The following EPHA6 variants were observed in gnomAD, a reference collection of about 807,000 sequenced individuals.
EPHA6 encodes the protein EPH receptor A6.
EPHA6 carries 50 observed loss-of-function variants against 112.0 expected under a neutral mutation model. That is an observed-to-expected ratio of 0.45 (90% CI 0.36 to 0.56). The LOEUF is 0.56. EPHA6 is among the 20% of genes least tolerant of loss of function. The probability of loss-of-function intolerance (pLI) is 0.00; values close to 1 mark genes in which losing one functional copy is unlikely to be tolerated. For missense variants in EPHA6, 1,280 were observed against 1,417.4 expected (o/e 0.90, Z 1.56); for synonymous variants, 529 against 490.7 (o/e 1.08, Z -1.03).
intron 5 of EPHA6, among the ~76,000 whole-genome samples, chr3:97,295,272 A>G (rs1050850958): frequency 2.0e-5 from 3 of 151,558 alleles, no homozygotes; most frequent in Non-Finnish European, 4.4e-5. Context: ...ATGCTTTTTT[A>G]TTCTTCCTTT....
chr3:97,707,095 T>C (rs1256963749), intron 14 of EPHA6, among the ~76,000 whole-genome samples: 1 of 152,120 alleles, frequency 6.6e-6, no homozygotes, highest in South Asian at 2.1e-4. Context: ...TTTTTCCTTA[T>C]CATTAATCAA....
At chr3:97,409,220 A>G (rs1329034187) in intron 6 of EPHA6, among the ~76,000 whole-genome samples, 2 of 152,092 alleles carry the variant, frequency 1.3e-5, no homozygotes, top group East Asian at 1.9e-4. Flanking sequence ...TCTGTTAAGG[A>G]CAAGAATGTA....
intron 3 of EPHA6, among the ~76,000 whole-genome samples, chr3:97,067,931 G>A (rs1220547677): frequency 6.6e-6 from 1 of 151,848 alleles, no homozygotes; most frequent in African/African-American, 2.4e-5. Context: ...GATCTCTTGA[G>A]GCCAGGAGTT....
intron 10 of EPHA6, among the ~76,000 whole-genome samples, chr3:97,524,454 C>T (rs925029187): frequency 5.9e-5 from 9 of 151,972 alleles, no homozygotes; most frequent in African/African-American, 1.9e-4. Flanking sequence ...TTGTTTATAG[C>T]TATAATTGTT....
At chr3:97,727,747 T>C (rs1402012931) in intron 15 of EPHA6, among the ~76,000 whole-genome samples, 1 of 152,090 alleles carries the variant, frequency 6.6e-6, no homozygotes, top group African/African-American at 2.4e-5. Context: ...TTCCTAACTT[T>C]TCAGTAATTC....
At chr3:97,081,530 T>C (rs1329557825) in intron 3 of EPHA6, among the ~76,000 whole-genome samples, 2 of 151,850 alleles carry the variant, frequency 1.3e-5, no homozygotes, top group Non-Finnish European at 2.9e-5. Context: ...TGTGTATTTT[T>C]TCTTTCCAGG....
At chr3:97,100,600 A>G (rs1482558890) in intron 3 of EPHA6, among the ~76,000 whole-genome samples, 2 of 149,424 alleles carry the variant, frequency 1.3e-5, no homozygotes, top group African/African-American at 5.0e-5. Flanking sequence ...TACACTGTTC[A>G]TTGTGTGAGC....
chr3:97,640,156 A>G (rs1200443817), intron 14 of EPHA6, among the ~76,000 whole-genome samples: 1 of 152,208 alleles, frequency 6.6e-6, no homozygotes, highest in East Asian at 1.9e-4. Context: ...AGTACCAAAA[A>G]GCAGAGGCTG....
At chr3:97,335,694 C>T (rs1247113299) in intron 5 of EPHA6, among the ~76,000 whole-genome samples, 10 of 152,118 alleles carry the variant, frequency 6.6e-5, no homozygotes, top group East Asian at 1.9e-4. Context: ...TTTCACCTTG[C>T]GCACTGCCTA....
intron 2 of EPHA6, among the ~76,000 whole-genome samples, chr3:96,871,832 A>G (rs2036638043): frequency 6.6e-6 from 1 of 152,046 alleles, no homozygotes. Context: ...TAGCTTCATA[A>G]CCAAGAATTG....
intron 13 of EPHA6, among the ~76,000 whole-genome samples, chr3:97,623,975 A>G (rs950223849): frequency 2.0e-5 from 3 of 151,532 alleles, no homozygotes; most frequent in African/African-American, 7.3e-5. Flanking sequence ...TTGGTTATCT[A>G]AGGTCCCTTG....
Position 97,749,489 on chromosome 3 carries a change from T to C in EPHA6, c.*788T>C, listed in dbSNP as rs925981756. ...CGTAGTATATTTCTCTACTACCTTA[T>C]GAAGACCGCTCCTGGAAAGACCAAG... On this transcript the variant is annotated 3_prime_UTR_variant, in exon 18 of 18. Transcript: ENST00000389672. Among the ~76,000 whole-genome samples the C allele has an allele frequency of 1.3e-5, 2 of 152,186 alleles. No homozygotes were observed. Among genetic ancestry groups the C allele is most frequent in the Admixed American group, 6.6e-5 (1 of 15,264 alleles).
At chr3:96,853,696 T>A (rs2035526369) in intron 1 of EPHA6, among the ~76,000 whole-genome samples, 1 of 152,010 alleles carries the variant, frequency 6.6e-6, no homozygotes, top group African/African-American at 2.4e-5. Flanking sequence ...TTTAAACTCC[T>A]GAATCATTAT....
intron 3 of EPHA6, among the ~76,000 whole-genome samples, chr3:97,001,172 A>G (rs1201412878): frequency 6.6e-6 from 1 of 151,752 alleles, no homozygotes; most frequent in Non-Finnish European, 1.5e-5. Context: ...AACTATTTTG[A>G]AGAAAATGTG....
At chr3:97,203,258 A>G (rs2077627040) in intron 3 of EPHA6, among the ~76,000 whole-genome samples, 1 of 152,112 alleles carries the variant, frequency 6.6e-6, no homozygotes, top group South Asian at 2.1e-4. Flanking sequence ...AGTCATTGGG[A>G]TAATTCAAGC....
At chr3:97,088,267 C>T (rs1237041774) in intron 3 of EPHA6, among the ~76,000 whole-genome samples, 2 of 152,042 alleles carry the variant, frequency 1.3e-5, no homozygotes, top group Non-Finnish European at 2.9e-5. Context: ...AGTAAGCAGG[C>T]TCCCAGGAAT....
intron 2 of EPHA6, among the ~76,000 whole-genome samples, chr3:96,893,873 TA>T (rs1197114574): frequency 1.3e-5 from 2 of 152,192 alleles, no homozygotes; most frequent in Non-Finnish European, 2.9e-5. Context: ...TGATGTTCAT[TA>T]CATGATGGAA....
At chr3:97,413,181 T>C (rs1475568554) in intron 6 of EPHA6, among the ~76,000 whole-genome samples, 1 of 151,896 alleles carries the variant, frequency 6.6e-6, no homozygotes, top group Non-Finnish European at 1.5e-5. Context: ...AAAAAACTAC[T>C]CTTCCAGCAA....
intron 14 of EPHA6, among the ~76,000 whole-genome samples, chr3:97,670,412 A>G (rs950460427): frequency 2.6e-5 from 4 of 152,226 alleles, no homozygotes; most frequent in Admixed American, 6.5e-5. Context: ...TCTAGTACTC[A>G]GGTCAAAAAA....
Sources: allele counts gnomAD v4.1 joint callset (sites outside exome capture counted in the v4.1 genomes callset), GRCh38; gene constraint gnomAD v4.1.1; transcripts MANE v1.5; gene names NCBI Gene and HGNC (gene_info 2026-07-23, HGNC 2026-07-21).